Variants in NEMP2 observed in about 807,000 individuals in gnomAD.
NEMP2 encodes the protein UPF0571 transmembrane protein.
A neutral mutation model predicts 54.2 loss-of-function variants in NEMP2; 53 were observed. That is an observed-to-expected ratio of 0.98 (90% CI 0.78 to 1.23). The LOEUF (loss-of-function observed/expected upper bound fraction) is 1.23. Ranked by LOEUF, NEMP2 falls within the 50% of genes most tolerant of loss-of-function variation. The pLI, the probability that NEMP2 is intolerant of heterozygous loss-of-function variation, is 0.00. For synonymous variants in NEMP2, 197 were observed against 190.3 expected (o/e 1.04, Z -0.29); for missense variants, 455 against 511.3 (o/e 0.89, Z 1.06).
chr2:190,558,990 A>G, the NEMP2 span, among the ~76,000 whole-genome samples: 146 of 152,338 alleles, frequency 9.6e-4, no homozygotes, highest in African/African-American at 3.3e-3. The surrounding 1 kb of genome is among the most constrained non-coding windows in gnomAD (Gnocchi z 4.4). Context: ...TAGAAAAGCT[A>G]ATGTGATTCA....
the NEMP2 span, among the ~76,000 whole-genome samples, chr2:190,421,697 A>G: frequency 1.3e-5 from 2 of 152,000 alleles, no homozygotes; most frequent in Admixed American, 1.3e-4. Context: ...CTGGGACTGT[A>G]AGCATGTACC....
the NEMP2 span, among the ~76,000 whole-genome samples, chr2:190,491,777 C>T: frequency 6.6e-6 from 1 of 152,174 alleles, no homozygotes; most frequent in East Asian, 1.9e-4. The surrounding 1 kb of genome is among the most constrained non-coding windows in gnomAD (Gnocchi z 4.2). Flanking sequence ...CAAAATCACA[C>T]TAGCACCAGC....
At chr2:190,466,934 G>A in the NEMP2 span, among the ~76,000 whole-genome samples, 1 of 152,146 alleles carries the variant, frequency 6.6e-6, no homozygotes, top group African/African-American at 2.4e-5. Context: ...AGGTTTGAAG[G>A]CAAAGCACAA....
the NEMP2 span, chr2:190,436,810 A>C: frequency 3.7e-6 from 6 of 1,614,162 alleles, no homozygotes; most frequent in Non-Finnish European, 5.1e-6. This position sits in a 1 kb window ranked among gnomAD's most constrained non-coding sequence, Gnocchi z 5.3. Context: ...GGAGACAACC[A>C]CTGTTATTGT....
chr2:190,599,139 T>C, the NEMP2 span, among the ~76,000 whole-genome samples: 3 of 152,188 alleles, frequency 2.0e-5, no homozygotes, highest in Non-Finnish European at 2.9e-5. Flanking sequence ...TTGATATTAG[T>C]GAAGGTTAAC....
the NEMP2 span, among the ~76,000 whole-genome samples, chr2:190,587,121 C>G: frequency 6.6e-6 from 1 of 152,148 alleles, no homozygotes; most frequent in Admixed American, 6.5e-5. The surrounding 1 kb of genome is among the most constrained non-coding windows in gnomAD (Gnocchi z 5.4). Flanking sequence ...CTGTCCTGAT[C>G]GAGACACTTT....
At chr2:190,639,636 G>A in the NEMP2 span, among the ~76,000 whole-genome samples, 2 of 143,966 alleles carry the variant, frequency 1.4e-5, no homozygotes, top group African/African-American at 5.0e-5. Context: ...TTATTGTTGA[G>A]TTTTTTTTTT....
At chr2:190,473,769 TC>T in the NEMP2 span, among the ~76,000 whole-genome samples, 1 of 152,176 alleles carries the variant, frequency 6.6e-6, no homozygotes, top group Non-Finnish European at 1.5e-5. Flanking sequence ...GAATATACAT[TC>T]TTTTCAGCAC....
chr2:190,630,081 T>C, the NEMP2 span, among the ~76,000 whole-genome samples: 1 of 152,236 alleles, frequency 6.6e-6, no homozygotes, highest in Non-Finnish European at 1.5e-5. This position sits in a 1 kb window ranked among gnomAD's most constrained non-coding sequence, Gnocchi z 5.5. Context: ...GTTGACTTTC[T>C]GGAGGGCCAA....
intron 2 of NEMP2, among the ~76,000 whole-genome samples, chr2:190,524,237 T>TA (rs1266977845): frequency 6.6e-6 from 1 of 151,536 alleles, no homozygotes; most frequent in East Asian, 1.9e-4. Flanking sequence ...AGGACAGATA[T>TA]AAAAAATCAA....
the NEMP2 span, among the ~76,000 whole-genome samples, chr2:190,424,172 T>C: frequency 6.6e-6 from 1 of 152,064 alleles, no homozygotes; most frequent in Non-Finnish European, 1.5e-5. This position sits in a 1 kb window ranked among gnomAD's most constrained non-coding sequence, Gnocchi z 5.9. Flanking sequence ...CTTTTATGGA[T>C]CATGGTATCG....
the NEMP2 span, among the ~76,000 whole-genome samples, chr2:190,548,449 C>T: frequency 9.8e-5 from 15 of 152,302 alleles, no homozygotes; most frequent in Middle Eastern, 6.8e-3. Flanking sequence ...GCAAACAGCT[C>T]ATCTAAACAT....
In NEMP2 at chr2:190,512,403, T is replaced by C. The variant is rs1472950755; in HGVS notation, c.954-1866A>G. 2.0e-5 allele frequency among the ~76,000 whole-genome samples: 3 copies of C among 152,222 alleles called. No homozygotes were observed. The highest frequency in any genetic ancestry group is 4.8e-5 in the African/African-American group (2 of 41,464). ...GTAGTTACCATATACTATTAAAATA[T>C]AAGTAAACAGCTCTTTGCAACTAGA... is the stretch of plus-strand genomic sequence containing the variant. On this transcript the variant is annotated intron_variant, in intron 7 of 8. Transcript: ENST00000409150. This position sits in a 1 kb window ranked among gnomAD's most constrained non-coding sequence, Gnocchi z 4.5.
At chr2:190,629,129 A>G in the NEMP2 span, among the ~76,000 whole-genome samples, 2 of 152,216 alleles carry the variant, frequency 1.3e-5, no homozygotes, top group Non-Finnish European at 2.9e-5. Flanking sequence ...AAAACAATTC[A>G]TCAGATTTAT....
chr2:190,542,394 T>C, the NEMP2 span, among the ~76,000 whole-genome samples: 915 of 152,256 alleles, frequency 6.0e-3, 13 homozygotes, highest in African/African-American at 0.021. This position sits in a 1 kb window ranked among gnomAD's most constrained non-coding sequence, Gnocchi z 4.6. Context: ...GTATTTTTGG[T>C]AGAGACAAAA....
chr2:190,444,524 G>C, the NEMP2 span, among the ~76,000 whole-genome samples: 3 of 152,210 alleles, frequency 2.0e-5, no homozygotes, highest in African/African-American at 4.8e-5. Context: ...ATGTAAAGTG[G>C]CTGTGTGTTC....
chr2:190,495,487 G>GA, the NEMP2 span, among the ~76,000 whole-genome samples: 31 of 152,140 alleles, frequency 2.0e-4, no homozygotes, highest in African/African-American at 6.5e-4. This position sits in a 1 kb window ranked among gnomAD's most constrained non-coding sequence, Gnocchi z 4.7. Context: ...CACAGAACTA[G>GA]AAAAAACAAT....
the NEMP2 span, among the ~76,000 whole-genome samples, chr2:190,474,729 A>G: frequency 6.6e-6 from 1 of 152,354 alleles, no homozygotes; most frequent in South Asian, 2.1e-4. Flanking sequence ...GGCCAGCATC[A>G]TCCTGATACC....
chr2:190,450,667 AT>A, the NEMP2 span, among the ~76,000 whole-genome samples: 1 of 151,446 alleles, frequency 6.6e-6, no homozygotes, highest in South Asian at 2.1e-4. Flanking sequence ...TAAGTTTTGT[AT>A]TTTTTGTAGA....
Sources: gnomAD v4.1 joint callset for allele counts (sites outside exome capture counted in the v4.1 genomes callset) on GRCh38, gnomAD v4.1.1 for gene constraint, Gnocchi (gnomAD v3.1) non-coding constraint, MANE v1.5 for transcripts, NCBI Gene and HGNC (gene_info 2026-07-23, HGNC 2026-07-21) for gene names.